The following PLCE1 variants were observed in gnomAD, a reference collection of about 807,000 sequenced individuals.
The protein encoded by PLCE1 is phospholipase C epsilon 1, also known as 1-phosphatidylinositol 4,5-bisphosphate phosphodiesterase epsilon-1.
PLCE1 carries 119 observed loss-of-function variants against 242.8 expected under a neutral mutation model. The ratio of observed to expected loss-of-function variants is 0.49; its 90% confidence interval spans 0.42 to 0.57. The LOEUF (loss-of-function observed/expected upper bound fraction) is 0.57. Ranked by LOEUF, PLCE1 falls within the 20% of genes least tolerant of loss-of-function variation. The probability of loss-of-function intolerance (pLI) is 0.00; values close to 1 mark genes in which losing one functional copy is unlikely to be tolerated. For missense variants in PLCE1, 2,441 were observed against 2,788.8 expected, an observed-to-expected ratio of 0.88 and a Z score of 2.81; for synonymous variants, 945 against 1,017.4, an observed-to-expected ratio of 0.93 and a Z score of 1.35.
At chr10:94,141,462 A>T (rs1366067232) in intron 3 of PLCE1, among the ~76,000 whole-genome samples, 1 of 151,886 alleles carries the variant, frequency 6.6e-6, no homozygotes, top group African/African-American at 2.4e-5. Context: ...AGAGAGGGAG[A>T]GGGAGAGGGA....
At chr10:94,121,552 T>C (rs117167072) in intron 2 of PLCE1, among the ~76,000 whole-genome samples, 2,760 of 152,226 alleles carry the variant, frequency 0.018, 26 homozygotes, top group Middle Eastern at 0.048. Flanking sequence ...TCAGGGCTGG[T>C]GAAACTAGAA....
intron 4 of PLCE1, among the ~76,000 whole-genome samples, chr10:94,222,845 C>T (rs955992047): frequency 4.6e-5 from 7 of 152,158 alleles, no homozygotes; most frequent in African/African-American, 1.4e-4. Context: ...GATAAACAGC[C>T]CTTGCAGACC....
In PLCE1 at chr10:94,316,552, G is replaced by T; in HGVS notation, c.6138G>T (p.Leu2046=). Reference sequence around the variant, plus strand: ...TGCCTTCACTTTTTCTTTAGATTCTGACAAATGAACAAGACATCAAACCTG... The same window carrying T: ...TGCCTTCACTTTTTCTTTAGATTCTTACAAATGAACAAGACATCAAACCTG... ...TKAKQLLQQI[L]TNEQDIKPVT... Residue 2046 remains leucine (L), a synonymous_variant, in exon 29 of 33, where the codon CTG becomes CTT. Coordinates refer to ENST00000371380, the MANE Select transcript of PLCE1 (RefSeq NM_016341.4). The T allele has an allele frequency of 6.2e-7, 1 of 1,604,220 alleles. No individual in the cohort carries two copies. Among genetic ancestry groups the T allele is most frequent in the South Asian group, 1.1e-5 (1 of 90,726 alleles).
rs1472913436 is a variant in PLCE1, at chr10:94,330,394, A to G, written c.*2451A>G. 2.0e-5 allele frequency: 3 copies of G among 152,204 alleles called. No individual in the cohort carries two copies. The highest frequency in any genetic ancestry group is 2.9e-5 in the Non-Finnish European group (2 of 68,050). 9.4% of individuals were successfully genotyped at this position (152,204 alleles called of 1,614,324 possible). A position where few individuals can be genotyped will look rare whatever the true frequency, so the allele number is the denominator to read the frequency against. ...GAACACATTGTTTCAAAATGTAAAG[A>G]GTTGGCTGGGCACAGTGGCTCATGC... is the stretch of plus-strand genomic sequence containing the variant. On this transcript the variant is annotated 3_prime_UTR_variant, in exon 33 of 33. Transcript: ENST00000371380.
chr10:94,268,906 G>T (rs754842236), intron 16 of PLCE1, 23 bp from the exon 17 acceptor site: 1 of 1,399,594 alleles, frequency 7.1e-7, no homozygotes, highest in Non-Finnish European at 1.0e-6. Context: ...CACCTGGGGT[G>T]GATTCGCTCA....
chr10:94,234,413 A>G, intron 6 of PLCE1, 101 bp downstream of exon 6: 5 of 1,251,332 alleles, frequency 4.0e-6, no homozygotes, highest in South Asian at 1.2e-5. Context: ...CTGATTGAAC[A>G]CAGGGTTAAT....
chr10:94,132,137 C>A, intron 2 of PLCE1, 37 bp from the exon 3 acceptor site: 1 of 1,600,820 alleles, frequency 6.2e-7, no homozygotes, highest in African/African-American at 1.3e-5. Context: ...TCCTAAGAAA[C>A]TAGATTAATA....
chr10:94,198,285 G>A (rs1345214200), intron 4 of PLCE1, among the ~76,000 whole-genome samples: 1 of 152,144 alleles, frequency 6.6e-6, no homozygotes, highest in Non-Finnish European at 1.5e-5. Flanking sequence ...CTGAATATGT[G>A]TTCATTCTCA....
At chr10:94,163,413 G>C (rs1388707312) in intron 3 of PLCE1, among the ~76,000 whole-genome samples, 2 of 152,106 alleles carry the variant, frequency 1.3e-5, no homozygotes, top group African/African-American at 4.8e-5. Flanking sequence ...TTATGTAATG[G>C]CCTTCTTTGT....
At chr10:94,051,742 C>T (rs116660322) in intron 2 of PLCE1, among the ~76,000 whole-genome samples, 2,443 of 152,264 alleles carry the variant, frequency 0.016, 54 homozygotes, top group African/African-American at 0.055. Context: ...TTCTCATCAA[C>T]GTGATTAAAA....
intron 4 of PLCE1, among the ~76,000 whole-genome samples, chr10:94,208,632 C>T (rs1426295668): frequency 6.6e-6 from 1 of 152,136 alleles, no homozygotes. Flanking sequence ...CAGTGATTCC[C>T]AAACACAAGG....
At chr10:94,229,615 T>C (rs2050074253) in intron 5 of PLCE1, among the ~76,000 whole-genome samples, 1 of 152,182 alleles carries the variant, frequency 6.6e-6, no homozygotes, top group African/African-American at 2.4e-5. Flanking sequence ...CTAGATTCTC[T>C]TATTACAGGA....
At chr10:94,167,658 A>C in intron 3 of PLCE1, among the ~76,000 whole-genome samples, 1 of 138,232 alleles carries the variant, frequency 7.2e-6, no homozygotes. Context: ...TCCTAATGCT[A>C]TCCCTCCCCC....
At chr10:94,232,903 G>A (rs2137272794) in intron 5 of PLCE1, among the ~76,000 whole-genome samples, 1 of 152,298 alleles carries the variant, frequency 6.6e-6, no homozygotes, top group South Asian at 2.1e-4. Flanking sequence ...TCATGCACCA[G>A]TTCACGTGAT....
At chr10:94,144,159 A>T (rs1349860405) in intron 3 of PLCE1, among the ~76,000 whole-genome samples, 1 of 152,176 alleles carries the variant, frequency 6.6e-6, no homozygotes, top group Non-Finnish European at 1.5e-5. Flanking sequence ...CAAAATCCTT[A>T]ACTAGGGTTG....
chr10:94,322,573 T>A (rs2053852584), intron 30 of PLCE1, among the ~76,000 whole-genome samples: 2 of 151,940 alleles, frequency 1.3e-5, no homozygotes, highest in South Asian at 2.1e-4. Flanking sequence ...TTGCCTGAGG[T>A]CAGGAGTTCG....
intron 1 of PLCE1, among the ~76,000 whole-genome samples, chr10:94,029,994 G>T (rs78687304): frequency 0.029 from 4,468 of 152,246 alleles, 205 homozygotes; most frequent in African/African-American, 0.1. Context: ...TACAAGCAGT[G>T]CAGGCTTGTT....
chr10:94,107,938 G>T (rs1436724609), intron 2 of PLCE1: 1 of 152,132 alleles, frequency 6.6e-6, no homozygotes, highest in East Asian at 1.9e-4. Flanking sequence ...GATTGCATTA[G>T]TTGTTTGACT....
chr10:94,174,519 A>C (rs749815405), intron 4 of PLCE1, among the ~76,000 whole-genome samples: 1 of 152,204 alleles, frequency 6.6e-6, no homozygotes, highest in African/African-American at 2.4e-5. Context: ...AAAGGGGAAA[A>C]TAGAACAGTG....
Sources: gnomAD v4.1 joint callset for allele counts (sites outside exome capture counted in the v4.1 genomes callset) on GRCh38, gnomAD v4.1.1 for gene constraint, MANE v1.5 for transcripts, NCBI Gene and HGNC (gene_info 2026-07-23, HGNC 2026-07-21) for gene names.